The following WNK1 variants were observed in gnomAD, a reference collection of about 807,000 sequenced individuals.
WNK1 encodes the protein WNK lysine deficient protein kinase 1, also known as serine/threonine-protein kinase WNK1.
Under a neutral mutation model 222.8 loss-of-function variants are expected in WNK1, and 38 were observed. The ratio of observed to expected loss-of-function variants is 0.17; its 90% CI spans 0.13 to 0.22. The LOEUF (loss-of-function observed/expected upper bound fraction) is 0.22, where lower values mean the gene tolerates loss of function less well. Ranked by LOEUF, WNK1 falls within the 10% of genes least tolerant of loss-of-function variation. The pLI is 1.00. For missense variants in WNK1, 2,348 were observed against 2,918.4 expected (o/e 0.80, Z 4.50); for synonymous variants, 1,090 against 1,092.9 (o/e 1.00, Z 0.05).
chr12:908,861 G>GGGGCC lies in WNK1; in HGVS notation c.*69_*70insGGGCC. 6.1e-6 allele frequency: 3 copies of GGGGCC among 491,846 alleles called. No homozygotes were observed. The highest frequency in any genetic ancestry group is 1.2e-5 in the Non-Finnish European group (3 of 241,770). The allele number at this position is 491,846 out of a possible 1,614,324, so 30.5% of individuals were successfully genotyped here. A position where few individuals can be genotyped will look rare whatever the true frequency, so the allele number is the denominator to read the frequency against. Reference sequence around the variant, plus strand: ...ATGCTGAGGGGGTGGGTGGGGGTGGGAAGTAGCCTATATACTAACTACTAG... The same window carrying GGGGCC: ...ATGCTGAGGGGGTGGGTGGGGGTGGGGGGCCAAGTAGCCTATATACTAACTACTAG... On this transcript the variant is annotated 3_prime_UTR_variant, in exon 28 of 28. Transcript: ENST00000315939.
chr12:864,944 T>A (rs2154068787), intron 8 of WNK1, among the ~76,000 whole-genome samples: 1 of 149,588 alleles, frequency 6.7e-6, no homozygotes, highest in East Asian at 2.0e-4. Context: ...ATCTGTCAGA[T>A]GTGCTATGTT....
At chr12:814,965 C>T (rs955675293) in intron 2 of WNK1, among the ~76,000 whole-genome samples, 20 of 152,248 alleles carry the variant, frequency 1.3e-4, no homozygotes, top group South Asian at 8.3e-4. Context: ...TCATAACGAA[C>T]GCTCAACCTA....
intron 4 of WNK1, among the ~76,000 whole-genome samples, chr12:833,318 G>A (rs983317292): frequency 2.0e-5 from 3 of 152,030 alleles, no homozygotes; most frequent in African/African-American, 7.2e-5. Context: ...GAGCTTTCTT[G>A]CTATCCTTTC....
intron 1 of WNK1, among the ~76,000 whole-genome samples, chr12:797,196 T>C (rs1945395911): frequency 6.6e-6 from 1 of 152,216 alleles, no homozygotes; most frequent in African/African-American, 2.4e-5. Context: ...TTTGTCTCCT[T>C]GTTGTACTTA....
intron 21 of WNK1, among the ~76,000 whole-genome samples, chr12:889,601 A>G (rs1022867017): frequency 2.6e-5 from 4 of 152,022 alleles, no homozygotes; most frequent in South Asian, 2.1e-4. Context: ...GGCGGATCAC[A>G]AGGTCAGGAG....
chr12:860,926 C>A, intron 6 of WNK1, 87 bp from the exon 7 acceptor site: 1 of 1,010,000 alleles, frequency 9.9e-7, no homozygotes, highest in Non-Finnish European at 1.3e-6. Flanking sequence ...TTTTACAATG[C>A]CTTTTTTTTT....
At chr12:890,395 A>G in intron 21 of WNK1, 58 bp from the exon 22 acceptor site, 3 of 1,608,156 alleles carry the variant, frequency 1.9e-6, no homozygotes. Flanking sequence ...GCAACGAGGC[A>G]AAAGTTTGAG....
chr12:809,966 T>C (rs1312460805), intron 1 of WNK1, among the ~76,000 whole-genome samples: 6 of 151,956 alleles, frequency 3.9e-5, no homozygotes, highest in Admixed American at 3.3e-4. Flanking sequence ...AAAGATAAAA[T>C]AGAGGCCGGG....
chr12:897,354 A>G (rs1954843283), intron 24 of WNK1, 125 bp from the exon 25 acceptor site: 4 of 738,132 alleles, frequency 5.4e-6, no homozygotes, highest in Non-Finnish European at 9.7e-6. Context: ...GTGGTAGTAC[A>G]TTTGGGGAAA....
intron 4 of WNK1, among the ~76,000 whole-genome samples, chr12:838,165 C>T (rs1204946956): frequency 6.6e-6 from 1 of 151,512 alleles, no homozygotes; most frequent in Non-Finnish European, 1.5e-5. Flanking sequence ...TTGGACTGTT[C>T]CTACCATTGG....
At chr12:872,947 G>T in intron 9 of WNK1, among the ~76,000 whole-genome samples, 1 of 152,226 alleles carries the variant, frequency 6.6e-6, no homozygotes, top group East Asian at 1.9e-4. Flanking sequence ...TGAAGGACTG[G>T]GACTTATATG....
chr12:806,015 A>G lies in WNK1; in HGVS notation c.760-7627A>G, dbSNP rs1591786008. Among the ~76,000 whole-genome samples, 3 of 152,324 alleles carry G rather than the reference A, an allele frequency of 2.0e-5. 1 individual carries two copies. Among genetic ancestry groups the G allele is most frequent in the Non-Finnish European group, 1.5e-5 (1 of 68,026 alleles). Reference sequence around the variant, plus strand: ...CTCCTGATGACTTCTTCAACAGCCTATTTCAGCCTGTGAAACATATTCAGG... The same window carrying G: ...CTCCTGATGACTTCTTCAACAGCCTGTTTCAGCCTGTGAAACATATTCAGG... On this transcript the variant is annotated intron_variant, in intron 1 of 27. Transcript: ENST00000315939.
Position 836,322 on chromosome 12 carries a change from TA to T in WNK1, c.1311+6164del, listed in dbSNP as rs1158670402. Among the ~76,000 whole-genome samples the T allele has an allele frequency of 3.9e-5, 6 of 152,330 alleles. No individual in the cohort carries two copies. The South Asian group carries it at 8.3e-4, about 21-fold the overall frequency. On this transcript the variant is annotated intron_variant, in intron 4 of 27. Transcript: ENST00000315939. ...TTTCCTCATATGATTATGGTAGTCATAACTGCCAGGCCTACTAAGGTTGCGA... is the reference window on the plus strand; with the variant it reads ...TTTCCTCATATGATTATGGTAGTCATACTGCCAGGCCTACTAAGGTTGCGA...
chr12:895,214 C>T (rs1954634771), intron 23 of WNK1, among the ~76,000 whole-genome samples: 2 of 152,060 alleles, frequency 1.3e-5, no homozygotes, highest in South Asian at 4.2e-4. Context: ...ATATTTTTCT[C>T]ATTTGTAAAC....
intron 7 of WNK1, 124 bp from the exon 8 acceptor site, chr12:861,959 A>C: frequency 9.3e-7 from 1 of 1,081,034 alleles, no homozygotes. Flanking sequence ...ATTTAGTTCA[A>C]ATCTGTGCAA....
chr12:908,398 C>A, intron 27 of WNK1, 77 bp from the exon 28 acceptor site: 2 of 1,423,742 alleles, frequency 1.4e-6, no homozygotes, highest in Non-Finnish European at 2.0e-6. Context: ...CAGGATTATA[C>A]TAGAAGTATA....
intron 1 of WNK1, among the ~76,000 whole-genome samples, chr12:755,681 A>G (rs1240294684): frequency 6.6e-6 from 1 of 152,100 alleles, no homozygotes; most frequent in African/African-American, 2.4e-5. Context: ...GTCATATTCA[A>G]AAAACTTAGT....
chr12:766,764 A>G lies in WNK1; in HGVS notation c.759+12440A>G, dbSNP rs1941752940. On this transcript the variant is annotated intron_variant, in intron 1 of 27. Transcript: ENST00000315939. ...AGTGCTGGGATGACAGGTGTGAGCC[A>G]CCACACCCGGCTTATTTTATTATTA... 2.0e-5 allele frequency among the ~76,000 whole-genome samples: 3 copies of G among 150,520 alleles called. No individual in the cohort carries two copies. In the Admixed American group the frequency reaches 2.0e-4, roughly 10 times the overall value.
chr12:881,811 C>T, intron 13 of WNK1, 22 bp downstream of exon 13: 1 of 1,613,810 alleles, frequency 6.2e-7, no homozygotes, highest in Non-Finnish European at 8.5e-7. Flanking sequence ...TAGAATTCTC[C>T]TTCCTTGACT....
Sources: gnomAD v4.1 joint callset for allele counts (sites outside exome capture counted in the v4.1 genomes callset) on GRCh38, gnomAD v4.1.1 for gene constraint, MANE v1.5 for transcripts, NCBI Gene and HGNC (gene_info 2026-07-23, HGNC 2026-07-21) for gene names.